Variants in CDH18 observed in about 807,000 individuals in gnomAD.
The protein encoded by CDH18 is cadherin 18, also known as cadherin-18.
In CDH18, 31 loss-of-function variants were observed where a neutral mutation model predicts 67.9. The observed-to-expected ratio is 0.46, with a 90% CI of 0.34 to 0.62. The LOEUF (loss-of-function observed/expected upper bound fraction) is 0.62, where lower values mean the gene tolerates loss of function less well. Ranked by LOEUF, CDH18 falls within the 20% of genes least tolerant of loss-of-function variation. The pLI, the probability that CDH18 is intolerant of heterozygous loss-of-function variation, is 0.01. For missense variants in CDH18, 890 were observed against 975.5 expected (o/e 0.91, Z 1.17); for synonymous variants, 362 against 347.2 (o/e 1.04, Z -0.48).
intron 1 of CDH18, among the ~76,000 whole-genome samples, chr5:20,442,462 A>C (rs748970259): frequency 6.6e-6 from 1 of 151,900 alleles, no homozygotes; most frequent in Non-Finnish European, 1.5e-5. Flanking sequence ...CAAACATGGA[A>C]TTATTTGTGA....
At chr5:19,866,505 A>C (rs1785514440) in intron 2 of CDH18, among the ~76,000 whole-genome samples, 1 of 152,214 alleles carries the variant, frequency 6.6e-6, no homozygotes, top group African/African-American at 2.4e-5. Context: ...CTGCAGGTGC[A>C]AAGACAAGAT....
chr5:19,738,059 A>G (rs1768590176), intron 4 of CDH18, among the ~76,000 whole-genome samples: 1 of 152,270 alleles, frequency 6.6e-6, no homozygotes, highest in East Asian at 1.9e-4. Flanking sequence ...CACATTTAAG[A>G]ATAGCTCTGT....
chr5:19,750,440 A>G (rs1202896040), intron 3 of CDH18, among the ~76,000 whole-genome samples: 1 of 152,172 alleles, frequency 6.6e-6, no homozygotes, highest in East Asian at 1.9e-4. Flanking sequence ...TAATAAGGGT[A>G]GTTGCAGACA....
intron 1 of CDH18, among the ~76,000 whole-genome samples, chr5:20,283,718 A>C (rs1046382442): frequency 6.6e-6 from 1 of 152,036 alleles, no homozygotes; most frequent in Admixed American, 6.6e-5. Flanking sequence ...CTGAAAATAG[A>C]GCTACCATAT....
At chr5:19,888,015 T>C (rs1397494440) in intron 2 of CDH18, among the ~76,000 whole-genome samples, 1 of 152,170 alleles carries the variant, frequency 6.6e-6, no homozygotes, top group Non-Finnish European at 1.5e-5. Flanking sequence ...ACAAATTATA[T>C]GGCAGTATTT....
chr5:19,475,356 A>G (rs1738268991), intron 12 of CDH18, among the ~76,000 whole-genome samples: 1 of 152,050 alleles, frequency 6.6e-6, no homozygotes, highest in African/African-American at 2.4e-5. Flanking sequence ...TGTGCTCAGA[A>G]CACATTAGCC....
intron 2 of CDH18, among the ~76,000 whole-genome samples, chr5:20,127,382 C>A (rs2126455135): frequency 6.6e-6 from 1 of 152,110 alleles, no homozygotes; most frequent in Non-Finnish European, 1.5e-5. Flanking sequence ...CTTGGTAGTT[C>A]TTTACAGTAA....
chr5:20,000,890 G>T (rs1436738273), intron 2 of CDH18, among the ~76,000 whole-genome samples: 2 of 152,074 alleles, frequency 1.3e-5, no homozygotes, highest in Non-Finnish European at 2.9e-5. Flanking sequence ...AACACTACAA[G>T]ATATTTAGTT....
At chr5:20,496,622 C>T (rs918976674) in intron 1 of CDH18, among the ~76,000 whole-genome samples, 1 of 152,034 alleles carries the variant, frequency 6.6e-6, no homozygotes, top group African/African-American at 2.4e-5. Context: ...ATTATCGTTT[C>T]AGAGCAAAAT....
chr5:20,215,854 C>T (rs1362653754), intron 2 of CDH18, among the ~76,000 whole-genome samples: 1 of 151,896 alleles, frequency 6.6e-6, no homozygotes. Context: ...GGCCGTTATC[C>T]TTAGCAAACT....
intron 1 of CDH18, among the ~76,000 whole-genome samples, chr5:20,279,089 CCAATCAAA>C (rs1746025324): frequency 6.6e-6 from 1 of 151,894 alleles, no homozygotes; most frequent in African/African-American, 2.4e-5. Context: ...GCTAAACTAT[CCAATCAAA>C]AGATACAGAG....
intron 3 of CDH18, among the ~76,000 whole-genome samples, chr5:19,786,308 A>G (rs1286045939): frequency 6.6e-6 from 1 of 152,138 alleles, no homozygotes; most frequent in Non-Finnish European, 1.5e-5. Flanking sequence ...TAACTCAACA[A>G]TAATGAATAT....
intron 2 of CDH18, among the ~76,000 whole-genome samples, chr5:19,909,718 T>G (rs1170073274): frequency 6.6e-6 from 1 of 152,164 alleles, no homozygotes; most frequent in Non-Finnish European, 1.5e-5. Flanking sequence ...TACATATTGA[T>G]GTCTGTCTGA....
At chr5:19,930,017 G>A (rs1348656650) in intron 2 of CDH18, among the ~76,000 whole-genome samples, 1 of 152,034 alleles carries the variant, frequency 6.6e-6, no homozygotes, top group Non-Finnish European at 1.5e-5. Flanking sequence ...TAAAAGATAA[G>A]AATGGCAGCT....
chr5:20,020,143 G>A (rs564605562), intron 2 of CDH18, among the ~76,000 whole-genome samples: 16 of 152,248 alleles, frequency 1.1e-4, no homozygotes, highest in South Asian at 4.2e-4. Flanking sequence ...GCAGCAAGGC[G>A]TTCAAGAAGT....
rs139653115 is a variant in CDH18, at chr5:20,278,964, A to C, written c.-579-23459T>G. Among the ~76,000 whole-genome samples the C allele has an allele frequency of 4.4e-3, 663 of 152,234 alleles. 7 individuals carry two copies. The highest frequency in any genetic ancestry group is 0.015 in the African/African-American group (635 of 41,570). ...AAATGAAAAGATATTTCATGTACCTAGATTGGAAGCCAAGAAAGGAGGAAA... is the reference window on the plus strand; with the variant it reads ...AAATGAAAAGATATTTCATGTACCTCGATTGGAAGCCAAGAAAGGAGGAAA... On this transcript the variant is annotated intron_variant, in intron 1 of 14. Coordinates refer to the CDH18 transcript ENST00000507958.
chr5:19,851,372 G>A (rs1375070222), intron 2 of CDH18, among the ~76,000 whole-genome samples: 1 of 141,182 alleles, frequency 7.1e-6, no homozygotes, highest in Admixed American at 7.4e-5. Context: ...ACCAGTTTAT[G>A]TAATAAAATA....
chr5:20,568,510 C>T (rs1758637670), intron 1 of CDH18, among the ~76,000 whole-genome samples: 1 of 151,690 alleles, frequency 6.6e-6, no homozygotes, highest in African/African-American at 2.4e-5. Flanking sequence ...GAAATGATAC[C>T]CTAAGACCTC....
chr5:19,627,667 A>G (rs1751759542), intron 5 of CDH18, among the ~76,000 whole-genome samples: 2 of 152,188 alleles, frequency 1.3e-5, no homozygotes, highest in African/African-American at 2.4e-5. Context: ...ACATACACTT[A>G]TATACATGCA....
Sources: gnomAD v4.1 joint callset for allele counts (sites outside exome capture counted in the v4.1 genomes callset) on GRCh38, gnomAD v4.1.1 for gene constraint, MANE v1.5 for transcripts, NCBI Gene and HGNC (gene_info 2026-07-23, HGNC 2026-07-21) for gene names.